Variants in TRAM2 observed in about 807,000 individuals in gnomAD.
TRAM2 encodes translocating chain-associated membrane protein 2.
TRAM2 carries 12 observed loss-of-function variants against 51.0 expected under a neutral mutation model. The observed-to-expected ratio is 0.24, with a 90% CI of 0.15 to 0.38. The LOEUF is 0.38. TRAM2 is among the 10% of genes least tolerant of loss of function. The pLI is 1.00. For synonymous variants in TRAM2, 175 were observed against 179.4 expected (o/e 0.98, Z 0.20); for missense variants, 361 against 462.0 (o/e 0.78, Z 2.00).
chr6:52,557,755 A>G (rs1031798720), intron 1 of TRAM2, among the ~76,000 whole-genome samples: 4 of 152,188 alleles, frequency 2.6e-5, no homozygotes, highest in African/African-American at 9.7e-5. Context: ...TATACTATAT[A>G]AGAATGCCCT....
chr6:52,509,432 C>T, intron 5 of TRAM2, 96 bp downstream of exon 5: 1 of 1,222,882 alleles, frequency 8.2e-7, no homozygotes, highest in South Asian at 1.3e-5. Context: ...CTCGTCAGGC[C>T]AGCTGGGCCT....
chr6:52,516,164 A>G, intron 3 of TRAM2, 42 bp from the exon 4 acceptor site: 1 of 1,567,452 alleles, frequency 6.4e-7, no homozygotes. Context: ...ATACAAATGT[A>G]TCCATATTGG....
chr6:52,565,383 G>C (rs1767572672), intron 1 of TRAM2, among the ~76,000 whole-genome samples: 1 of 152,118 alleles, frequency 6.6e-6, no homozygotes, highest in Non-Finnish European at 1.5e-5. Flanking sequence ...ACAGACACTG[G>C]GGGCAAGGCA....
At chr6:52,531,057 G>A (rs1209104578) in intron 2 of TRAM2, among the ~76,000 whole-genome samples, 1 of 137,002 alleles carries the variant, frequency 7.3e-6, no homozygotes, top group East Asian at 2.3e-4. Context: ...TAAATGTTGA[G>A]TTGAGCAAGC....
intron 1 of TRAM2, among the ~76,000 whole-genome samples, chr6:52,545,730 G>A (rs1446693900): frequency 3.3e-5 from 5 of 151,982 alleles, no homozygotes; most frequent in Non-Finnish European, 7.4e-5. Flanking sequence ...CCAAGCTCCG[G>A]AAAAGACAAC....
intron 1 of TRAM2, among the ~76,000 whole-genome samples, chr6:52,565,140 G>C (rs971414914): frequency 6.6e-6 from 1 of 152,148 alleles, no homozygotes; most frequent in Non-Finnish European, 1.5e-5. Flanking sequence ...CTTTAGGCGG[G>C]CATCTTGGAA....
At chr6:52,523,587 C>T (rs1766718591) in intron 2 of TRAM2, 1 of 152,200 alleles carries the variant, frequency 6.6e-6, no homozygotes, top group Admixed American at 6.5e-5. Flanking sequence ...GAAACAGACT[C>T]TTTCTTACAC....
chr6:52,507,613 G>T lies in TRAM2; in HGVS notation c.566C>A (p.Pro189His). 1 of 1,614,090 alleles carries T rather than the reference G, an allele frequency of 6.2e-7. No homozygotes were observed. Among genetic ancestry groups the T allele is most frequent in the South Asian group, 1.1e-5 (1 of 91,052 alleles). The change falls in exon 7 of 11, where the codon CCC (proline) becomes CAC (histidine). Residue 189 changes from proline to histidine, a missense_variant. By Grantham distance (77) the Pro-to-His change is moderately conservative. Transcript: ENST00000182527. ...YFQKVRKEEI[P>H]RQLQYICLYL... ...CAGGCAAATATACTGGAGCTGGCGG[G>T]GAATTTCCTCCTGGAAACAAGAGAA...
In TRAM2 at chr6:52,508,262, G is replaced by A; in HGVS notation, c.527C>T (p.Pro176Leu). The A allele has an allele frequency of 6.2e-7, 1 of 1,614,104 alleles. No homozygotes were observed. Among genetic ancestry groups the A allele is most frequent in the Non-Finnish European group, 8.5e-7 (1 of 1,180,022 alleles). The change falls in exon 6 of 11, where the codon CCT becomes CTT. Residue 176 changes from proline (P) to leucine (L), a missense_variant. Coordinates refer to ENST00000182527, the MANE Select transcript of TRAM2 (RefSeq NM_012288.4). Reference protein sequence around the residue: ...CQLAYWLHALPELYFQKVRKE... With the variant: ...CQLAYWLHALLELYFQKVRKE... ...CCGTACCTTCTGGAAGTATAGCTCAGGAAGTGCGTGCAGCCAGTAGGCCAG... is the reference window on the plus strand; with the variant it reads ...CCGTACCTTCTGGAAGTATAGCTCAAGAAGTGCGTGCAGCCAGTAGGCCAG...
chr6:52,547,636 T>C (rs1767229106), intron 1 of TRAM2, among the ~76,000 whole-genome samples: 1 of 152,188 alleles, frequency 6.6e-6, no homozygotes, highest in African/African-American at 2.4e-5. Context: ...AGCTGTGACT[T>C]TACTTTCATT....
At chr6:52,567,276 TC>T (rs1302537137) in intron 1 of TRAM2, among the ~76,000 whole-genome samples, 1 of 152,220 alleles carries the variant, frequency 6.6e-6, no homozygotes, top group East Asian at 1.9e-4. Context: ...CCTGAAGTTA[TC>T]TGGACCCAGG....
intron 1 of TRAM2, among the ~76,000 whole-genome samples, chr6:52,563,901 A>G (rs1250076822): frequency 7.3e-4 from 1 of 1,362 alleles, no homozygotes; most frequent in Non-Finnish European, 3.2e-3. Context: ...TACCTATTCC[A>G]AAAAAAAAAA....
intron 2 of TRAM2, chr6:52,529,523 A>C (rs1185997945): frequency 6.6e-6 from 1 of 151,958 alleles, no homozygotes; most frequent in Non-Finnish European, 1.5e-5. Flanking sequence ...GTGGGGCCTG[A>C]GAGTGTGTTT....
At chr6:52,539,770 G>C (rs748021937) in intron 1 of TRAM2, among the ~76,000 whole-genome samples, 2 of 152,126 alleles carry the variant, frequency 1.3e-5, no homozygotes, top group African/African-American at 2.4e-5. Flanking sequence ...AAGCAGGAGA[G>C]AGTCGGTGCT....
Position 52,499,325 on chromosome 6 carries a change from A to C in TRAM2, c.*3872T>G, listed in dbSNP as rs1766157461. On this transcript the variant is annotated 3_prime_UTR_variant, in exon 11 of 11. Coordinates refer to ENST00000182527, the MANE Select transcript of TRAM2 (RefSeq NM_012288.4). ...CAGCACTCCCTCTGTTAGAGGAGAG[A>C]GCTTAGAACATCAAGAATTGAAGTT... 1 of 152,140 alleles carries C rather than the reference A, an allele frequency of 6.6e-6. No individual in the cohort carries two copies. Among genetic ancestry groups the C allele is most frequent in the South Asian group, 2.1e-4 (1 of 4,830 alleles). The allele number at this position is 152,140 out of a possible 1,614,324, so 9.4% of individuals were successfully genotyped here.
At chr6:52,541,214 T>C (rs986773932) in intron 1 of TRAM2, among the ~76,000 whole-genome samples, 4 of 152,176 alleles carry the variant, frequency 2.6e-5, no homozygotes, top group African/African-American at 9.7e-5. Flanking sequence ...TAGACCCCAG[T>C]TTACTCATCT....
chr6:52,567,736 C>T (rs1482682620), intron 1 of TRAM2, among the ~76,000 whole-genome samples: 1 of 152,174 alleles, frequency 6.6e-6, no homozygotes, highest in Admixed American at 6.6e-5. Context: ...CAAAGCCAAA[C>T]CCAGATTCCT....
intron 4 of TRAM2, among the ~76,000 whole-genome samples, chr6:52,512,892 G>A (rs1036483472): frequency 2.6e-5 from 4 of 152,156 alleles, no homozygotes; most frequent in Non-Finnish European, 5.9e-5. Context: ...ACCGGTCCTG[G>A]TACAAGCACC....
intron 1 of TRAM2, among the ~76,000 whole-genome samples, chr6:52,552,512 C>T (rs555774017): frequency 8.5e-5 from 13 of 152,306 alleles, no homozygotes; most frequent in South Asian, 4.1e-4. Flanking sequence ...ACAAACCCGA[C>T]GGGCTGCTTC....
Sources: allele counts gnomAD v4.1 joint callset (sites outside exome capture counted in the v4.1 genomes callset), GRCh38; gene constraint gnomAD v4.1.1; transcripts MANE v1.5; gene names NCBI Gene and HGNC (gene_info 2026-07-23, HGNC 2026-07-21).